Variants in DHX36 observed in about 807,000 individuals in gnomAD.
DHX36 encodes ATP-dependent DNA/RNA helicase DHX36.
A neutral mutation model predicts 139.0 loss-of-function variants in DHX36; 50 were observed. That is an observed-to-expected ratio of 0.36 (90% CI 0.29 to 0.46). The LOEUF (loss-of-function observed/expected upper bound fraction) is 0.46, where lower values mean the gene tolerates loss of function less well. Among genes scored for constraint, DHX36 ranks in the 20% least tolerant of loss-of-function variants. DHX36 has a pLI of 1.00. For synonymous variants in DHX36, 425 were observed against 401.9 expected (o/e 1.06, Z -0.69); for missense variants, 1,024 against 1,211.3 (o/e 0.85, Z 2.29).
At position 154,324,370 on chromosome 3, in the gene DHX36, C is replaced by T. The variant is rs745406144; in HGVS notation, c.47G>A (p.Arg16His). Residue 16 changes from arginine to histidine, a missense_variant, in exon 1 of 25, where the codon CGC (arginine) becomes CAC (histidine). This residue lies in a region of DHX36 where 293 missense variants were observed against 274.4 expected (regional missense o/e 1.07). Transcript: ENST00000496811. ...HQNWGRDGGPRSSGGGYGGGP... is the reference protein window; with the variant it reads ...HQNWGRDGGPHSSGGGYGGGP... Reference sequence around the variant, plus strand: ...CCCTCCATAGCCCCCACCGGAGCTGCGGGGACCCCCATCACGGCCCCAGTT... The same window carrying T: ...CCCTCCATAGCCCCCACCGGAGCTGTGGGGACCCCCATCACGGCCCCAGTT... 3.3e-5 allele frequency: 52 copies of T among 1,589,054 alleles called. No homozygotes were observed. Among genetic ancestry groups the T allele is most frequent in the Non-Finnish European group, 4.1e-5 (48 of 1,165,522 alleles).
In DHX36 at chr3:154,301,001, C is replaced by T; in HGVS notation, c.1344G>A (p.Arg448=). The T allele has an allele frequency of 6.2e-7, 1 of 1,611,178 alleles. No homozygotes were observed. The stretch of plus-strand genomic sequence containing the variant: ...AATAAACTTACCTTCTTCGCAGTTC[C>T]CTTACATAATCTGGCCAACGTTCTT... ...IYKERWPDYV[R]ELRRRYSAST... The change falls in exon 10 of 25, where the codon AGG becomes AGA. Residue 448 remains arginine, a synonymous_variant. Coordinates refer to ENST00000496811, the MANE Select transcript of DHX36 (RefSeq NM_020865.3).
intron 8 of DHX36, 120 bp from the exon 9 acceptor site, chr3:154,303,530 C>T (rs1247663267): frequency 1.5e-6 from 1 of 681,780 alleles, no homozygotes; most frequent in Non-Finnish European, 2.3e-6. Flanking sequence ...GGTCCTGTAG[C>T]TTTTACAATT....
intron 1 of DHX36, among the ~76,000 whole-genome samples, chr3:154,318,059 C>T (rs1713051961): frequency 6.6e-6 from 1 of 152,076 alleles, no homozygotes; most frequent in South Asian, 2.1e-4. Context: ...GAGAACAAGA[C>T]ATAAGCATCT....
At chr3:154,311,501 A>G in intron 4 of DHX36, 135 bp downstream of exon 4, 3 of 662,644 alleles carry the variant, frequency 4.5e-6, no homozygotes, top group Admixed American at 4.0e-5. Flanking sequence ...TTAATTCAAA[A>G]GAATAAAATT....
At chr3:154,283,138 ATT>A in intron 20 of DHX36, 48 bp downstream of exon 20, 1 of 1,383,460 alleles carries the variant, frequency 7.2e-7, no homozygotes, top group Non-Finnish European at 1.0e-6. Context: ...GGATGTATAT[ATT>A]CTCTAATCTA....
chr3:154,305,976 A>C (rs1290095749), intron 6 of DHX36, among the ~76,000 whole-genome samples: 1 of 152,142 alleles, frequency 6.6e-6, no homozygotes, highest in African/African-American at 2.4e-5. Context: ...GTCCAGGAAA[A>C]ATGTTTATTT....
chr3:154,283,841 G>A (rs997574962), intron 19 of DHX36, among the ~76,000 whole-genome samples: 9 of 152,198 alleles, frequency 5.9e-5, no homozygotes, highest in African/African-American at 2.2e-4. Flanking sequence ...TCAGATACAC[G>A]TGGCTTTTGG....
intron 3 of DHX36, among the ~76,000 whole-genome samples, chr3:154,312,496 A>C (rs886891486): frequency 2.6e-5 from 4 of 152,108 alleles, no homozygotes; most frequent in African/African-American, 9.7e-5. Context: ...TGTAAAAAAA[A>C]AACTTCAGTG....
rs1235949164 is a variant in DHX36, at chr3:154,304,962, T to C, written c.979A>G (p.Ser327Gly). 4 of 1,604,556 alleles carry C rather than the reference T, an allele frequency of 2.5e-6. No individual in the cohort carries two copies. Among genetic ancestry groups the C allele is most frequent in the African/African-American group, 2.7e-5 (2 of 74,326 alleles). ...QWLQSDPYLSSVSHIVLDEIH... is the reference protein window; with the variant it reads ...QWLQSDPYLSGVSHIVLDEIH... ...TCATCAAGTACGATATGACTAACAC[T>C]GGACAAATACCTAAGGCAGAAGTGT... The change falls in exon 8 of 25, where the codon AGT becomes GGT. Residue 327 changes from serine (S) to glycine (G), a missense_variant. Transcript: ENST00000496811.
intron 1 of DHX36, among the ~76,000 whole-genome samples, chr3:154,322,219 T>A (rs890368663): frequency 6.6e-6 from 1 of 152,200 alleles, no homozygotes; most frequent in African/African-American, 2.4e-5. Flanking sequence ...GGTAAACCTG[T>A]TACGTTGAAG....
At chr3:154,315,006 G>A (rs1559959589) in intron 3 of DHX36, 40 bp downstream of exon 3, 4 of 1,431,436 alleles carry the variant, frequency 2.8e-6, no homozygotes, top group Non-Finnish European at 3.8e-6. Context: ...TAAAGTGTAA[G>A]AAAAAAATGA....
intron 22 of DHX36, chr3:154,279,647 G>C (rs1437590203): frequency 6.6e-6 from 1 of 152,152 alleles, no homozygotes; most frequent in Non-Finnish European, 1.5e-5. Flanking sequence ...AGTATCTCCA[G>C]ACACTTTCCA....
At chr3:154,296,493 A>C (rs909787377) in intron 12 of DHX36, among the ~76,000 whole-genome samples, 2 of 151,778 alleles carry the variant, frequency 1.3e-5, no homozygotes, top group African/African-American at 4.8e-5. Flanking sequence ...AATAATAATA[A>C]TAATAATACA....
At chr3:154,289,599 T>C (rs1711701477) in intron 16 of DHX36, 110 bp downstream of exon 16, 8 of 698,580 alleles carry the variant, frequency 1.1e-5, no homozygotes, top group South Asian at 1.9e-5. Context: ...ATGAAATAAA[T>C]TGTGAGTTAA....
Position 154,284,578 on chromosome 3 carries a change from T to TC in DHX36, c.2292+4_2292+5insG, listed in dbSNP as rs562366213. ...ATAATCCAGGACAAAATTTTTTTTT[T>TC]TTACCTCAAACGCATTCACAACTGT... On this transcript the variant is annotated splice_donor_region_variant and intron_variant, in intron 19 of 24. Transcript: ENST00000496811. 2.5e-5 allele frequency: 40 copies of TC among 1,591,810 alleles called. No homozygotes were observed. Among genetic ancestry groups the TC allele is most frequent in the Non-Finnish European group, 3.2e-5 (38 of 1,172,678 alleles).
intron 3 of DHX36, among the ~76,000 whole-genome samples, chr3:154,314,304 C>T (rs1712879368): frequency 6.6e-6 from 1 of 152,216 alleles, no homozygotes; most frequent in Non-Finnish European, 1.5e-5. Flanking sequence ...TGGATCCTTT[C>T]TTTCCTATTA....
chr3:154,279,278 C>T (rs1265501397), intron 22 of DHX36: 1 of 151,944 alleles, frequency 6.6e-6, no homozygotes, highest in African/African-American at 2.4e-5. Flanking sequence ...TGTGTTCCAA[C>T]AAAAAAAGGA....
At chr3:154,285,015 T>C (rs368416603) in intron 17 of DHX36, 28 bp from the exon 18 acceptor site, 19 of 1,611,760 alleles carry the variant, frequency 1.2e-5, no homozygotes, top group Admixed American at 8.4e-5. Context: ...GTGTTTAAAA[T>C]AGATCCTGTA....
intron 16 of DHX36, 39 bp downstream of exon 16, chr3:154,289,670 C>T: frequency 1.8e-6 from 2 of 1,137,180 alleles, no homozygotes; most frequent in South Asian, 1.2e-5. Flanking sequence ...AAAATGAGAT[C>T]ACTTCCATTT....
Sources: gnomAD v4.1 joint callset for allele counts (sites outside exome capture counted in the v4.1 genomes callset) on GRCh38, gnomAD v4.1.1 for gene constraint, gnomAD v4.1.1 regional missense constraint, MANE v1.5 for transcripts, NCBI Gene and HGNC (gene_info 2026-07-23, HGNC 2026-07-21) for gene names.